PHKG1: variants seen among roughly 807,000 people sequenced by gnomAD.
PHKG1 encodes phosphorylase b kinase gamma catalytic chain, skeletal muscle/heart isoform.
A neutral mutation model predicts 50.5 loss-of-function variants in PHKG1; 48 were observed. The ratio of observed to expected loss-of-function variants is 0.95; its 90% CI spans 0.75 to 1.21. PHKG1 has a LOEUF of 1.21. Among genes scored for constraint, PHKG1 ranks in the 50% most tolerant of loss-of-function variants. The pLI is 0.00. For synonymous variants in PHKG1, 204 were observed against 212.8 expected, an observed-to-expected ratio of 0.96 and a Z score of 0.36; for missense variants, 487 against 519.5, an observed-to-expected ratio of 0.94 and a Z score of 0.61.
At chr7:56,088,232 A>C (rs1796351685) in intron 2 of PHKG1, among the ~76,000 whole-genome samples, 1 of 151,750 alleles carries the variant, frequency 6.6e-6, no homozygotes, top group Admixed American at 6.6e-5. Context: ...ATGGGGTTTC[A>C]ACATGTTGGC....
At chr7:56,089,330 G>T (rs997588219) in intron 1 of PHKG1, among the ~76,000 whole-genome samples, 3 of 151,572 alleles carry the variant, frequency 2.0e-5, no homozygotes, top group African/African-American at 7.3e-5. Context: ...AACCCAGGAG[G>T]CAGAGGTTGC....
In PHKG1 at chr7:56,083,074, C is replaced by T. The variant is rs2036636930; in HGVS notation, c.547+204G>A. 7 of 511,254 alleles carry T rather than the reference C, an allele frequency of 1.4e-5. No individual in the cohort carries two copies. In the South Asian group the frequency reaches 1.7e-4, roughly 12 times the overall value. The allele number at this position is 511,254 out of a possible 1,614,324, so 31.7% of individuals were successfully genotyped here. On this transcript the variant is annotated intron_variant, in intron 6 of 9. Transcript: ENST00000297373. ...TGAGCCGAGATTGTGCCACTGCACTCCAGCCTGGGCGACAGAGTGAGACTC... is the reference window on the plus strand; with the variant it reads ...TGAGCCGAGATTGTGCCACTGCACTTCAGCCTGGGCGACAGAGTGAGACTC...
chr7:56,087,822 T>C (rs1562881075), intron 2 of PHKG1, 46 bp from the exon 3 acceptor site: 1 of 1,520,170 alleles, frequency 6.6e-7, no homozygotes, highest in Admixed American at 1.7e-5. Flanking sequence ...CCTCACCCCA[T>C]GGGGGGTCCC....
Position 56,082,019 on chromosome 7 carries a change from C to T in PHKG1, c.666G>A (p.Thr222=), listed in dbSNP as rs374223622. The stretch of plus-strand genomic sequence containing the variant: ...AGAAGGGCGGGGAGCCGGCCAGCAG[C>T]GTGTACATGATGACGCCAGTGCTCC... The part of the protein sequence containing the change: ...DMWSTGVIMY[T]LLAGSPPFWH... Residue 222 remains threonine, a synonymous_variant, in exon 8 of 10, where the codon ACG becomes ACA. Transcript: ENST00000297373. 2.4e-5 allele frequency: 39 copies of T among 1,613,706 alleles called. No individual in the cohort carries two copies. The highest frequency in any genetic ancestry group is 1.6e-4 in the African/African-American group (12 of 74,934).
chr7:56,091,509 T>C (rs1584635079), intron 1 of PHKG1, among the ~76,000 whole-genome samples: 1 of 128,722 alleles, frequency 7.8e-6, no homozygotes, highest in Middle Eastern at 3.7e-3. Flanking sequence ...AGAGTGAGAC[T>C]CCATCTCAAA....
In PHKG1 at chr7:56,087,632, G is replaced by GTCCACC; in HGVS notation, c.222_227dup (p.Glu74_Val75dup). 1 of 1,613,952 alleles carries GTCCACC rather than the reference G, an allele frequency of 6.2e-7. No homozygotes were observed. Among genetic ancestry groups the GTCCACC allele is most frequent in the Non-Finnish European group, 8.5e-7 (1 of 1,180,006 alleles). On this transcript the variant is annotated inframe_insertion, in exon 3 of 10. Coordinates refer to ENST00000297373, the MANE Select transcript of PHKG1 (RefSeq NM_006213.5). Reference sequence around the variant, plus strand: ...GGTGCCCTGAGACCTTGCGCAGGATGTCCACCTCCTTCAGCGTGGCTTCTC... The same window carrying GTCCACC: ...GGTGCCCTGAGACCTTGCGCAGGATGTCCACCTCCACCTCCTTCAGCGTGGCTTCTC...
Position 56,083,410 on chromosome 7 carries a change from A to G in PHKG1, c.415T>C (p.Cys139Arg). 1 of 1,614,190 alleles carries G rather than the reference A, an allele frequency of 6.2e-7. No homozygotes were observed. The highest frequency in any genetic ancestry group is 1.1e-5 in the South Asian group (1 of 91,086). Residue 139 changes from cysteine to arginine, a missense_variant, in exon 6 of 10, where the codon TGC (cysteine) becomes CGC (arginine). By Grantham distance (180) the Cys-to-Arg change is radical. Transcript: ENST00000297373. ...KIMRALLEVI[C>R]TLHKLNIVHR... ...ACGATGTTGAGTTTGTGCAAGGTGC[A>G]GATCACCTCCAGCAGAGCTCGCATG...
chr7:56,083,688 G>A lies in PHKG1; in HGVS notation c.345C>T (p.Tyr115=). Residue 115 remains tyrosine (Y), a synonymous_variant, in exon 5 of 10, where the codon TAC becomes TAT. Transcript: ENST00000297373. ...CACTCAAGGTGACCTTCTCAGTGAG[G>A]TAGTCAAAGAGCTCCCCTCTCTTCA... is the stretch of plus-strand genomic sequence containing the variant. ...DLMKRGELFD[Y]LTEKVTLSEK... 6.3e-7 allele frequency: 1 copy of A among 1,584,930 alleles called. No individual in the cohort carries two copies. Among genetic ancestry groups the A allele is most frequent in the Non-Finnish European group, 8.6e-7 (1 of 1,162,682 alleles).
intron 1 of PHKG1, among the ~76,000 whole-genome samples, chr7:56,091,315 G>C (rs1796487026): frequency 6.6e-6 from 1 of 152,134 alleles, no homozygotes; most frequent in African/African-American, 2.4e-5. Flanking sequence ...AGGAGATCGA[G>C]ACCATCCTGG....
chr7:56,082,107 C>T lies in PHKG1; in HGVS notation c.638+56G>A. On this transcript the variant is annotated intron_variant, in intron 7 of 9. Coordinates refer to ENST00000297373, the MANE Select transcript of PHKG1 (RefSeq NM_006213.5). ...GCCAGGGGCACCGGCCCAGCCCTGC[C>T]TACTTCCTCCCTTGCCCAGCCTAGC... 2.5e-6 allele frequency: 4 copies of T among 1,611,336 alleles called. No homozygotes were observed. The South Asian group carries it at 3.3e-5, about 13-fold the overall frequency.
At chr7:56,091,643 A>G (rs1796496876) in intron 1 of PHKG1, among the ~76,000 whole-genome samples, 1 of 152,182 alleles carries the variant, frequency 6.6e-6, no homozygotes, top group South Asian at 2.1e-4. Context: ...GCTGCCTCCA[A>G]CCCCCTTTCC....
intron 6 of PHKG1, among the ~76,000 whole-genome samples, chr7:56,082,890 A>ACTTG: frequency 1.3e-5 from 2 of 151,696 alleles, no homozygotes; most frequent in Non-Finnish European, 2.9e-5. Context: ...GGCGGATCGT[A>ACTTG]AGGTCAGGAG....
At chr7:56,083,198 A>C in intron 6 of PHKG1, 80 bp downstream of exon 6, 78 of 1,294,868 alleles carry the variant, frequency 6.0e-5, no homozygotes, top group Non-Finnish European at 7.4e-5. Context: ...GTTAGGGGAG[A>C]AACCCAGACC....
At chr7:56,086,378 T>C (rs1346749694) in intron 4 of PHKG1, among the ~76,000 whole-genome samples, 3 of 151,972 alleles carry the variant, frequency 2.0e-5, no homozygotes, top group Non-Finnish European at 4.4e-5. Context: ...AGAACAATTA[T>C]ATCACTATAC....
At position 56,092,696 on chromosome 7, in the gene PHKG1, G is replaced by T. The variant is rs887167623; in HGVS notation, c.-35+140C>A. On this transcript the variant is annotated intron_variant, in intron 1 of 9. Transcript: ENST00000297373. ...GATGGAGGTTTCAAGGGTCAATGCT[G>T]CCACTCTCCCTGGTCCATCCGCCTT... The T allele has an allele frequency of 2.0e-5, 3 of 152,234 alleles. No homozygotes were observed. The East Asian group carries it at 5.8e-4, about 30-fold the overall frequency. The allele number at this position is 152,234 out of a possible 1,614,324, so 9.4% of individuals were successfully genotyped here.
intron 1 of PHKG1, among the ~76,000 whole-genome samples, chr7:56,089,662 T>TA (rs984172966): frequency 2.4e-4 from 37 of 151,982 alleles, no homozygotes; most frequent in Non-Finnish European, 3.5e-4. Flanking sequence ...AAGCTGGAAT[T>TA]ACAAGCACCT....
rs372802738 is a variant in PHKG1 at position 56,083,628 on chromosome 7, A to G, written c.383+22T>C. The G allele has an allele frequency of 1.8e-5, 29 of 1,567,598 alleles. No homozygotes were observed. In the Middle Eastern group the frequency reaches 6.7e-4, roughly 36 times the overall value. ...CTAAGCCACGTGGGAGGGAGCGGAG[A>G]GAAGGGCAAAGGGACCCTCACCTGG... is the stretch of plus-strand genomic sequence containing the variant. On this transcript the variant is annotated intron_variant, in intron 5 of 9. Coordinates refer to ENST00000297373, the MANE Select transcript of PHKG1 (RefSeq NM_006213.5).
chr7:56,085,798 C>G (rs2117572303), intron 4 of PHKG1, among the ~76,000 whole-genome samples: 1 of 152,098 alleles, frequency 6.6e-6, no homozygotes, highest in East Asian at 1.9e-4. Context: ...AACCCTGTCT[C>G]TACTAAAACA....
At position 56,081,717 on chromosome 7, in the gene PHKG1, G is replaced by T. The variant is rs12538444; in HGVS notation, c.831C>A (p.Tyr277Ter). The T allele has an allele frequency of 6.2e-7, 1 of 1,613,766 alleles. No homozygotes were observed. Among genetic ancestry groups the T allele is most frequent in the South Asian group, 1.1e-5 (1 of 91,068 alleles). Residue 277 changes from tyrosine to a stop codon, truncating the protein, a stop_gained, in exon 9 of 10, where the codon TAC becomes TAA. Coordinates refer to ENST00000297373, the MANE Select transcript of PHKG1 (RefSeq NM_006213.5). LOFTEE classifies it high-confidence loss of function. This position sits in a 1 kb window ranked among gnomAD's most constrained non-coding sequence, Gnocchi z 4.6. ...GGTGTGCCAAGGCCTCTTCCGCTGT[G>T]TAGCGGTTCTGGGGTTGCACCACCA... is the stretch of plus-strand genomic sequence containing the variant. ...RFLVVQPQNR[Y>*]TAEEALAHPF...
Sources: gnomAD v4.1 joint callset for allele counts (sites outside exome capture counted in the v4.1 genomes callset) on GRCh38, gnomAD v4.1.1 for gene constraint, Gnocchi (gnomAD v3.1) non-coding constraint, MANE v1.5 for transcripts, NCBI Gene and HGNC (gene_info 2026-07-23, HGNC 2026-07-21) for gene names.